The following TCERG1L variants were observed in gnomAD, a reference collection of about 807,000 sequenced individuals.
The protein encoded by TCERG1L is transcription elongation regulator 1 like.
In TCERG1L, 37 loss-of-function variants were observed where a neutral mutation model predicts 56.3. The observed-to-expected ratio is 0.66, with a 90% CI of 0.51 to 0.87. TCERG1L has a LOEUF of 0.87. Ranked by LOEUF, TCERG1L falls within the 40% of genes least tolerant of loss-of-function variation. TCERG1L has a pLI of 0.00. For missense variants in TCERG1L, 799 were observed against 774.2 expected (o/e 1.03, Z -0.38); for synonymous variants, 324 against 326.3 (o/e 0.99, Z 0.08).
intron 4 of TCERG1L, among the ~76,000 whole-genome samples, chr10:131,243,607 C>T (rs183854117): frequency 4.2e-4 from 64 of 152,214 alleles, no homozygotes; most frequent in African/African-American, 1.3e-3. Flanking sequence ...ATGCACACTG[C>T]GGCTGTCCTC....
chr10:131,117,761 T>C (rs950873704), intron 8 of TCERG1L, among the ~76,000 whole-genome samples: 3 of 152,246 alleles, frequency 2.0e-5, no homozygotes, highest in African/African-American at 7.2e-5. Flanking sequence ...CCTGCCTTTT[T>C]CAAGTACCAA....
intron 3 of TCERG1L, among the ~76,000 whole-genome samples, chr10:131,273,384 C>T (rs992040863): frequency 6.6e-6 from 1 of 152,212 alleles, no homozygotes; most frequent in Non-Finnish European, 1.5e-5. Flanking sequence ...TCCCAAAGCA[C>T]TCGCCTGCCT....
chr10:131,133,491 C>A (rs896686265), intron 8 of TCERG1L, among the ~76,000 whole-genome samples: 2 of 152,096 alleles, frequency 1.3e-5, no homozygotes, highest in Non-Finnish European at 2.9e-5. Flanking sequence ...CAGGGTCCAG[C>A]GGAACGTCCA....
At chr10:131,252,191 T>C (rs1846118597) in intron 4 of TCERG1L, among the ~76,000 whole-genome samples, 1 of 152,128 alleles carries the variant, frequency 6.6e-6, no homozygotes, top group South Asian at 2.1e-4. Flanking sequence ...CCACCATTTG[T>C]GGGAAAATGT....
chr10:131,198,599 C>G (rs1344096416), intron 4 of TCERG1L, among the ~76,000 whole-genome samples: 4 of 152,236 alleles, frequency 2.6e-5, no homozygotes, highest in African/African-American at 4.8e-5. Context: ...CTGGCTGCCC[C>G]CTCCCATGCA....
chr10:131,282,137 GAAA>G (rs543405432), intron 3 of TCERG1L, among the ~76,000 whole-genome samples: 205 of 92,528 alleles, frequency 2.2e-3, no homozygotes, highest in Admixed American at 0.016. Context: ...CTCCATCTCA[GAAA>G]AAAAAAAAAA....
intron 3 of TCERG1L, among the ~76,000 whole-genome samples, chr10:131,270,668 A>AC (rs1472136804): frequency 6.6e-6 from 1 of 151,958 alleles, no homozygotes; most frequent in Non-Finnish European, 1.5e-5. Flanking sequence ...TGCCACTCCT[A>AC]CCTTCTTCTC....
At chr10:131,169,634 G>T (rs1846067529) in intron 4 of TCERG1L, among the ~76,000 whole-genome samples, 1 of 152,230 alleles carries the variant, frequency 6.6e-6, no homozygotes, top group South Asian at 2.1e-4. Context: ...CAGGGAGGAA[G>T]TCTGGAGGGG....
chr10:131,253,409 T>C (rs1313300838), intron 4 of TCERG1L, among the ~76,000 whole-genome samples: 3 of 152,054 alleles, frequency 2.0e-5, no homozygotes, highest in African/African-American at 7.2e-5. Flanking sequence ...ATGGAATCGG[T>C]TGCCCAGAGT....
chr10:131,208,425 T>C (rs1845571161), intron 4 of TCERG1L, among the ~76,000 whole-genome samples: 1 of 152,194 alleles, frequency 6.6e-6, no homozygotes, highest in Admixed American at 6.5e-5. Context: ...ATGTGAACGA[T>C]GGTGAGCTCC....
chr10:131,252,985 C>G (rs997650288), intron 4 of TCERG1L, among the ~76,000 whole-genome samples: 5 of 152,170 alleles, frequency 3.3e-5, no homozygotes, highest in Non-Finnish European at 4.4e-5. Context: ...CAGGGACCCC[C>G]GGGGATGGCA....
intron 1 of TCERG1L, among the ~76,000 whole-genome samples, chr10:131,309,851 A>AAAAAAAAAC (rs1564838624): frequency 6.7e-6 from 1 of 150,100 alleles, no homozygotes; most frequent in Non-Finnish European, 1.5e-5. Context: ...AAAAAAAAAA[A>AAAAAAAAAC]AAAAAAAACT....
In TCERG1L at chr10:131,262,244, G is replaced by A. The variant is rs892807220; in HGVS notation, c.671-1800C>T. Among the ~76,000 whole-genome samples the A allele has an allele frequency of 3.9e-5, 6 of 152,262 alleles. No homozygotes were observed. In the East Asian group the frequency reaches 7.7e-4, roughly 20 times the overall value. ...CCTGCCTGCTTGAATGGGAACAGACGCGCAGGGGACAGCATCGCTTCCAGA... is the reference window on the plus strand; with the variant it reads ...CCTGCCTGCTTGAATGGGAACAGACACGCAGGGGACAGCATCGCTTCCAGA... On this transcript the variant is annotated intron_variant, in intron 3 of 11. Coordinates refer to ENST00000368642, the MANE Select transcript of TCERG1L (RefSeq NM_174937.4).
chr10:131,256,660 C>A lies in TCERG1L; in HGVS notation c.856+3599G>T, dbSNP rs56685741. ...CAGCACTTGGGGAGGCGGAGGTGGG[C>A]GGATCATGAGGTCAGGAGTTCGAGA... On this transcript the variant is annotated intron_variant, in intron 4 of 11. Transcript: ENST00000368642. Among the ~76,000 whole-genome samples, 4 of 152,006 alleles carry A rather than the reference C, an allele frequency of 2.6e-5. No individual in the cohort carries two copies. The South Asian group carries it at 8.3e-4, about 32-fold the overall frequency.
chr10:131,105,693 G>A (rs1351862046), intron 9 of TCERG1L, among the ~76,000 whole-genome samples: 1 of 151,700 alleles, frequency 6.6e-6, no homozygotes, highest in Non-Finnish European at 1.5e-5. Flanking sequence ...CCAGTCATGA[G>A]TGACTGGGAA....
intron 4 of TCERG1L, among the ~76,000 whole-genome samples, chr10:131,211,495 A>G (rs1845619238): frequency 6.6e-6 from 1 of 152,120 alleles, no homozygotes; most frequent in Non-Finnish European, 1.5e-5. Flanking sequence ...ATTTAGTTAC[A>G]CCACGAGAAG....
chr10:131,225,305 C>G (rs1487189151), intron 4 of TCERG1L, among the ~76,000 whole-genome samples: 13 of 152,176 alleles, frequency 8.5e-5, no homozygotes, highest in Admixed American at 4.6e-4. Flanking sequence ...GACGCACAGC[C>G]CTGCCACACA....
At chr10:131,159,957 C>T (rs1845959863) in intron 6 of TCERG1L, among the ~76,000 whole-genome samples, 1 of 152,208 alleles carries the variant, frequency 6.6e-6, no homozygotes, top group Non-Finnish European at 1.5e-5. Context: ...CCAATACTCA[C>T]ATCCTGATTC....
intron 8 of TCERG1L, among the ~76,000 whole-genome samples, chr10:131,129,267 T>A (rs1490250294): frequency 6.6e-6 from 1 of 152,234 alleles, no homozygotes; most frequent in East Asian, 1.9e-4. Flanking sequence ...CATTTGATAA[T>A]GTTAAGGAAT....
Sources: allele counts gnomAD v4.1 joint callset (sites outside exome capture counted in the v4.1 genomes callset), GRCh38; gene constraint gnomAD v4.1.1; transcripts MANE v1.5; gene names NCBI Gene and HGNC (gene_info 2026-07-23, HGNC 2026-07-21).